The following NOD2 variants were observed in gnomAD, a reference collection of about 807,000 sequenced individuals.
NOD2 encodes nucleotide binding oligomerization domain containing 2.
NOD2 carries 86 observed loss-of-function variants against 90.9 expected under a neutral mutation model. The ratio of observed to expected loss-of-function variants is 0.95; its 90% CI spans 0.79 to 1.13. The LOEUF (loss-of-function observed/expected upper bound fraction) is 1.13. Ranked by LOEUF, NOD2 falls within the 50% of genes most tolerant of loss-of-function variation. NOD2 has a pLI of 0.00. For synonymous variants in NOD2, 581 were observed against 554.6 expected (o/e 1.05, Z -0.67); for missense variants, 1,238 against 1,283.8 (o/e 0.96, Z 0.55).
chr16:50,711,109 C>A lies in NOD2; in HGVS notation c.1117C>A (p.Pro373Thr). ...DRERHCSPTD[P>T]TSVQTLLFNL... ...TGAACGCCACTGCTCCCCGACCGAC[C>A]CCACCTCTGTCCAGACCCTGCTCTT... The change falls in exon 4 of 12, where the codon CCC becomes ACC. Residue 373 changes from proline to threonine, a missense_variant. This residue lies in a region of NOD2 where 567 missense variants were observed against 577.3 expected (regional missense o/e 0.98). Transcript: ENST00000647318. 6.2e-7 allele frequency: 1 copy of A among 1,614,194 alleles called. No individual in the cohort carries two copies. Among genetic ancestry groups the A allele is most frequent in the Non-Finnish European group, 8.5e-7 (1 of 1,180,028 alleles).
intron 9 of NOD2, among the ~76,000 whole-genome samples, chr16:50,724,213 TG>T (rs1965187215): frequency 6.6e-6 from 1 of 152,206 alleles, no homozygotes; most frequent in Non-Finnish European, 1.5e-5. Context: ...CTGCAACATA[TG>T]GGCATTGCCA....
At chr16:50,727,805 C>A in intron 10 of NOD2, 1 of 351,646 alleles carries the variant, frequency 2.8e-6, no homozygotes, top group South Asian at 2.4e-5. Context: ...ATTGACTTGC[C>A]GAGCATACTT....
chr16:50,726,755 C>G (rs1002082249), intron 10 of NOD2, among the ~76,000 whole-genome samples: 4 of 152,198 alleles, frequency 2.6e-5, no homozygotes, highest in African/African-American at 9.7e-5. Flanking sequence ...TATCATCCCC[C>G]ACAAAAATTG....
rs747534110 is a variant in NOD2, at chr16:50,707,920, T to C, written c.525T>C (p.His175=). ...ANGLAAFLLQ[H]VQELPVPLAL... is the part of the protein sequence containing the mutation. ...GATTGGCTGCCTTCCTTCTACAACA[T>C]GTTCAGGAATTACCAGTCCCATTGG... The change falls in exon 3 of 12, where the codon CAT becomes CAC. Residue 175 remains histidine (H), a synonymous_variant. Coordinates refer to ENST00000647318, the MANE Select transcript of NOD2 (RefSeq NM_001370466.1). 3 of 1,614,096 alleles carry C rather than the reference T, an allele frequency of 1.9e-6. No homozygotes were observed. Among genetic ancestry groups the C allele is most frequent in the Middle Eastern group, 1.6e-4 (1 of 6,062 alleles).
At chr16:50,724,690 G>T (rs1965203816) in intron 9 of NOD2, among the ~76,000 whole-genome samples, 1 of 152,214 alleles carries the variant, frequency 6.6e-6, no homozygotes. Context: ...TATGTTGTTA[G>T]GTTGCAGTTT....
intron 11 of NOD2, among the ~76,000 whole-genome samples, chr16:50,730,777 T>C (rs1965426417): frequency 6.6e-6 from 1 of 152,230 alleles, no homozygotes; most frequent in East Asian, 1.9e-4. Flanking sequence ...CCTATTGTCT[T>C]AGACCAGGAC....
chr16:50,700,488 G>T (rs1365792639), intron 2 of NOD2, among the ~76,000 whole-genome samples: 1 of 152,210 alleles, frequency 6.6e-6, no homozygotes, highest in Non-Finnish European at 1.5e-5. Context: ...GAGCCAGAAT[G>T]GTGCAGGCTC....
chr16:50,702,263 A>C lies in NOD2; in HGVS notation c.459+2309A>C, dbSNP rs953773026. 2.0e-5 allele frequency among the ~76,000 whole-genome samples: 3 copies of C among 152,260 alleles called. No individual in the cohort carries two copies. The South Asian group carries it at 6.2e-4, about 31-fold the overall frequency. ...CTGAATTTTAATGAGCTAAGAATTCATCTTAAGAAAGGGCTAAATAGACAG... is the reference window on the plus strand; with the variant it reads ...CTGAATTTTAATGAGCTAAGAATTCCTCTTAAGAAAGGGCTAAATAGACAG... On this transcript the variant is annotated intron_variant, in intron 2 of 11. Transcript: ENST00000647318.
Position 50,716,916 on chromosome 16 carries a change from G to C in NOD2, c.2491G>C (p.Gly831Arg), listed in dbSNP as rs760938311. 6.2e-7 allele frequency: 1 copy of C among 1,614,230 alleles called. No homozygotes were observed. The highest frequency in any genetic ancestry group is 8.5e-7 in the Non-Finnish European group (1 of 1,180,036). The change falls in exon 6 of 12, where the codon GGC becomes CGC. Residue 831 changes from glycine to arginine, a missense_variant. Physicochemically the swap from Gly to Arg is moderately radical, Grantham distance 125. This residue lies in a region of NOD2 where 667 missense variants were observed against 688.7 expected (regional missense o/e 0.97). Coordinates refer to ENST00000647318, the MANE Select transcript of NOD2 (RefSeq NM_001370466.1). ...LALFNNKLTD[G>R]CAHSMAKLLA... is the part of the protein sequence containing the mutation. ...TCTATTCAACAACAAATTGACTGAC[G>C]GCTGTGCACACTCCATGGCTAAGCT...
chr16:50,716,671 G>A lies in NOD2; in HGVS notation c.2465+1G>A, dbSNP rs373550987. 49 of 1,613,836 alleles carry A rather than the reference G, an allele frequency of 3.0e-5. 1 individual carries two copies. The highest frequency in any genetic ancestry group is 3.6e-5 in the Non-Finnish European group (43 of 1,179,866). On this transcript the variant is annotated splice_donor_variant, in intron 5 of 11. Coordinates refer to ENST00000647318, the MANE Select transcript of NOD2 (RefSeq NM_001370466.1). LOFTEE classifies it high-confidence loss of function. ...ACTGCGAGCAATTGCAGAAGTTAGC[G>A]TAAGTCAGCCTGGGCTGTGGACAAT...
At position 50,722,648 on chromosome 16, in the gene NOD2, A is replaced by T. The variant is rs1965111542; in HGVS notation, c.2660A>T (p.Glu887Val). 2 of 1,614,076 alleles carry T rather than the reference A, an allele frequency of 1.2e-6. No homozygotes were observed. The highest frequency in any genetic ancestry group is 3.3e-5 in the Admixed American group (2 of 60,010). The change falls in exon 8 of 12, where the codon GAG (glutamate) becomes GTG (valine). Residue 887 changes from glutamate (E) to valine (V), a missense_variant. By Grantham distance (121) the Glu-to-Val change is moderately radical. Coordinates refer to ENST00000647318, the MANE Select transcript of NOD2 (RefSeq NM_001370466.1). ...TTCTGGGGCAACAGAGTGGGTGACGAGGGGGCCCAGGCCCTGGCTGAAGCC... is the reference window on the plus strand; with the variant it reads ...TTCTGGGGCAACAGAGTGGGTGACGTGGGGGCCCAGGCCCTGGCTGAAGCC... ...LGFWGNRVGD[E>V]GAQALAEALG...
intron 4 of NOD2, among the ~76,000 whole-genome samples, chr16:50,713,936 G>C (rs189967877): frequency 2.6e-4 from 39 of 152,212 alleles, no homozygotes; most frequent in African/African-American, 8.2e-4. Context: ...GGTAGAGAAG[G>C]GGGAGAGTGG....
intron 9 of NOD2, 49 bp from the exon 10 acceptor site, chr16:50,725,440 T>C (rs2150836770): frequency 1.4e-6 from 2 of 1,438,748 alleles, no homozygotes; most frequent in Non-Finnish European, 2.0e-6. Flanking sequence ...TTCATCATCT[T>C]CCATAATCAA....
chr16:50,717,187 C>T (rs982864874), intron 6 of NOD2, among the ~76,000 whole-genome samples: 5 of 152,218 alleles, frequency 3.3e-5, no homozygotes, highest in Admixed American at 3.3e-4. Flanking sequence ...TGTCTTTTGA[C>T]CTTTAGCCCG....
intron 9 of NOD2, among the ~76,000 whole-genome samples, chr16:50,724,971 A>T (rs1965212911): frequency 6.6e-6 from 1 of 152,178 alleles, no homozygotes; most frequent in Non-Finnish European, 1.5e-5. Flanking sequence ...TCTCATGATC[A>T]CAGGATGGCT....
At chr16:50,698,980 C>T (rs776219722) in intron 1 of NOD2, among the ~76,000 whole-genome samples, 17 of 149,942 alleles carry the variant, frequency 1.1e-4, no homozygotes, top group South Asian at 8.5e-4. Context: ...CAGGCTGGAG[C>T]GCAATGGTGC....
chr16:50,694,911 G>A (rs1381403104), intron 1 of NOD2, among the ~76,000 whole-genome samples: 1 of 152,150 alleles, frequency 6.6e-6, no homozygotes, highest in Non-Finnish European at 1.5e-5. Context: ...AAGCTGGGAA[G>A]CAGGATGGGG....
chr16:50,711,345 C>A lies in NOD2; in HGVS notation c.1353C>A (p.Ala451=). Residue 451 remains alanine (A), a synonymous_variant, in exon 4 of 12, where the codon GCC becomes GCA. Coordinates refer to ENST00000647318, the MANE Select transcript of NOD2 (RefSeq NM_001370466.1). ...RLIRLLQETS[A]LHGLCHLPVF... ...TCCGCCTGCTCCAAGAGACCTCAGC[C>A]CTGCACGGTTTGTGCCACCTGCCTG... is the stretch of plus-strand genomic sequence containing the variant. 1.9e-6 allele frequency: 3 copies of A among 1,613,652 alleles called. No homozygotes were observed. The highest frequency in any genetic ancestry group is 2.5e-6 in the Non-Finnish European group (3 of 1,180,046).
intron 3 of NOD2, among the ~76,000 whole-genome samples, chr16:50,708,841 G>A (rs1037211766): frequency 6.6e-6 from 1 of 152,182 alleles, no homozygotes; most frequent in African/African-American, 2.4e-5. Flanking sequence ...ACTCGCGAGT[G>A]CACCGTCTCA....
Sources: gnomAD v4.1 joint callset for allele counts (sites outside exome capture counted in the v4.1 genomes callset) on GRCh38, gnomAD v4.1.1 for gene constraint, gnomAD v4.1.1 regional missense constraint, MANE v1.5 for transcripts, NCBI Gene and HGNC (gene_info 2026-07-23, HGNC 2026-07-21) for gene names.